TBX15: variants seen among roughly 807,000 people sequenced by gnomAD.
TBX15 encodes T-box transcription factor TBX15.
TBX15 carries 18 observed loss-of-function variants against 53.9 expected under a neutral mutation model. The observed-to-expected ratio is 0.33, with a 90% CI of 0.23 to 0.49. TBX15 has a LOEUF of 0.49. Among genes scored for constraint, TBX15 ranks in the 20% least tolerant of loss-of-function variants. TBX15 has a pLI of 0.98. For missense variants in TBX15, 692 were observed against 749.5 expected, an observed-to-expected ratio of 0.92 and a Z score of 0.90; for synonymous variants, 295 against 278.0, an observed-to-expected ratio of 1.06 and a Z score of -0.61.
intron 2 of TBX15, among the ~76,000 whole-genome samples, chr1:118,930,857 A>G (rs575081069): frequency 6.6e-6 from 1 of 152,340 alleles, no homozygotes; most frequent in Admixed American, 6.5e-5. Flanking sequence ...CTTAGTACCC[A>G]TGTGCCTTAG....
upstream of TBX15, among the ~76,000 whole-genome samples, chr1:118,988,877 A>G (rs1657934251): frequency 6.6e-6 from 1 of 152,218 alleles, no homozygotes; most frequent in Non-Finnish European, 1.5e-5. Context: ...CAAACAAGCA[A>G]ACAGAAAGCC....
rs1657874822 is a variant in TBX15, at chr1:118,987,444, C to G, written c.205+147G>C. Reference sequence around the variant, plus strand: ...TGGTTCCGGTGAATTTAGGGAGGCTCAGGGCATTTGCGCGAAGAAACAGAA... The same window carrying G: ...TGGTTCCGGTGAATTTAGGGAGGCTGAGGGCATTTGCGCGAAGAAACAGAA... On this transcript the variant is annotated intron_variant, in intron 1 of 7. Coordinates refer to ENST00000369429, the MANE Select transcript of TBX15 (RefSeq NM_001330677.2). The G allele has an allele frequency of 1.9e-5, 20 of 1,041,728 alleles. No homozygotes were observed. The East Asian group carries it at 5.2e-4, about 27-fold the overall frequency. The allele number at this position is 1,041,728 out of a possible 1,614,324, so 64.5% of individuals were successfully genotyped here. A position where few individuals can be genotyped will look rare whatever the true frequency, so the allele number is the denominator to read the frequency against.
At chr1:118,970,161 C>G (rs2101697812) in intron 1 of TBX15, among the ~76,000 whole-genome samples, 1 of 152,362 alleles carries the variant, frequency 6.6e-6, no homozygotes, top group South Asian at 2.1e-4. Flanking sequence ...GCCTGTGGAA[C>G]TGTGAGTCAA....
chr1:118,949,963 G>A (rs1386920267), intron 1 of TBX15, among the ~76,000 whole-genome samples: 1 of 152,194 alleles, frequency 6.6e-6, no homozygotes, highest in Non-Finnish European at 1.5e-5. Context: ...ATCCAATCCA[G>A]ATTCTCCAAG....
At chr1:118,912,066 C>T (rs1557880873) in intron 6 of TBX15, among the ~76,000 whole-genome samples, 1 of 152,062 alleles carries the variant, frequency 6.6e-6, no homozygotes, top group African/African-American at 2.4e-5. Flanking sequence ...CATAGGAAAG[C>T]ACTTATTTAG....
chr1:118,892,985 C>A (rs970449324), intron 7 of TBX15, among the ~76,000 whole-genome samples: 1 of 152,048 alleles, frequency 6.6e-6, no homozygotes, highest in Non-Finnish European at 1.5e-5. Flanking sequence ...GTAATCCCAG[C>A]ACTTTGGGAG....
In TBX15 at chr1:118,924,809, T is replaced by C; in HGVS notation, c.530A>G (p.Tyr177Cys). The change falls in exon 4 of 8, where the codon TAT (tyrosine) becomes TGT (cysteine). Residue 177 changes from tyrosine (Y) to cysteine (C), a missense_variant. By Grantham distance (194) the Tyr-to-Cys change is radical (BLOSUM62 -2). Around this residue, in one of 3 missense-constraint regions of TBX15, gnomAD observed 307 missense variants for 347.5 expected, o/e 0.88. Transcript: ENST00000369429. ...AGCCACCATCCACTTGGAGCTATGA[T>C]ACACATATCTGAGATAAAGAGGAAG... ...PVDNKRYRYV[Y>C]HSSKWMVAGN... The C allele has an allele frequency of 1.2e-6, 2 of 1,613,794 alleles. No individual in the cohort carries two copies. Among genetic ancestry groups the C allele is most frequent in the Non-Finnish European group, 1.7e-6 (2 of 1,179,950 alleles).
At position 118,884,991 on chromosome 1, in the gene TBX15, A is replaced by G; in HGVS notation, c.1550T>C (p.Leu517Pro). The G allele has an allele frequency of 1.2e-6, 2 of 1,614,126 alleles. No homozygotes were observed. The highest frequency in any genetic ancestry group is 2.2e-5 in the East Asian group (1 of 44,852). ...GGAAGTGGGGAAATTGTATCCATAC[A>G]GGTTGTAAGGGTTGTGAAGGGAGAA... ...NAFSLHNPYN[L>P]YGYNFPTSPR... The change falls in exon 8 of 8, where the codon CTG becomes CCG. Residue 517 changes from leucine to proline, a missense_variant. This residue lies in a region of TBX15 where 375 missense variants were observed against 371.6 expected (regional missense o/e 1.01). Coordinates refer to ENST00000369429, the MANE Select transcript of TBX15 (RefSeq NM_001330677.2).
chr1:118,931,821 T>C lies in TBX15; in HGVS notation c.217A>G (p.Ser73Gly), dbSNP rs1375543681. ...AGGACCTCAGAATCTGAACCAGTGC[T>C]CTGCTCAGAATCTGCAAAATAAACA... ...GLEPHPDSEQ[S>G]TGSDSEVLTE... Residue 73 changes from serine to glycine, a missense_variant, in exon 2 of 8, where the codon AGC becomes GGC. Physicochemically the swap from Ser to Gly is moderately conservative, Grantham distance 56 (BLOSUM62 0). Transcript: ENST00000369429. The C allele has an allele frequency of 1.9e-6, 3 of 1,576,094 alleles. No individual in the cohort carries two copies. In the African/African-American group the frequency reaches 4.0e-5, roughly 21 times the overall value.
chr1:118,919,238 A>T (rs1369659801), intron 5 of TBX15, among the ~76,000 whole-genome samples: 2 of 152,248 alleles, frequency 1.3e-5, no homozygotes, highest in African/African-American at 4.8e-5. Context: ...CCCCCAGAGA[A>T]GACAAAGACT....
chr1:118,898,231 T>G lies in TBX15; in HGVS notation c.1024+797A>C, dbSNP rs1046413996. Among the ~76,000 whole-genome samples, 4 of 152,116 alleles carry G rather than the reference T, an allele frequency of 2.6e-5. No individual in the cohort carries two copies. In the East Asian group the frequency reaches 7.7e-4, roughly 29 times the overall value. ...GAGTCTATGCTTTTAATCACTACACTCATCTTAAAACCTGACAGATTTCAG... is the reference window on the plus strand; with the variant it reads ...GAGTCTATGCTTTTAATCACTACACGCATCTTAAAACCTGACAGATTTCAG... On this transcript the variant is annotated intron_variant, in intron 7 of 7. Coordinates refer to ENST00000369429, the MANE Select transcript of TBX15 (RefSeq NM_001330677.2).
At chr1:118,956,012 C>G (rs949853099) in intron 1 of TBX15, among the ~76,000 whole-genome samples, 2 of 152,078 alleles carry the variant, frequency 1.3e-5, no homozygotes, top group Non-Finnish European at 2.9e-5. Context: ...AGGATTAGTG[C>G]CCCTTATAAA....
At chr1:118,983,577 C>G (rs1657716139) in intron 1 of TBX15, among the ~76,000 whole-genome samples, 1 of 152,228 alleles carries the variant, frequency 6.6e-6, no homozygotes, top group Admixed American at 6.5e-5. Flanking sequence ...TCCCTTCACA[C>G]AAGGTCACTT....
intron 1 of TBX15, among the ~76,000 whole-genome samples, chr1:118,973,660 A>T (rs1657315741): frequency 6.6e-6 from 1 of 152,106 alleles, no homozygotes; most frequent in Admixed American, 6.5e-5. Context: ...GTCAAGCCCC[A>T]AAGAAAAAAA....
At chr1:118,940,817 C>G (rs1366168578) in intron 1 of TBX15, among the ~76,000 whole-genome samples, 1 of 151,750 alleles carries the variant, frequency 6.6e-6, no homozygotes, top group Non-Finnish European at 1.5e-5. Flanking sequence ...TTATTCTTCC[C>G]ACAAAATTAA....
intron 1 of TBX15, among the ~76,000 whole-genome samples, chr1:118,951,984 C>T (rs1010732309): frequency 6.6e-6 from 1 of 152,146 alleles, no homozygotes; most frequent in Non-Finnish European, 1.5e-5. Context: ...CCCTAGAACA[C>T]CAAGGATTTG....
At position 118,931,792 on chromosome 1, in the gene TBX15, A is replaced by G; in HGVS notation, c.246T>C (p.Thr82=). Residue 82 remains threonine, a synonymous_variant, in exon 2 of 8, where the codon ACT becomes ACC. Transcript: ENST00000369429. ...TACTGAAGGAGCAGGAAGTCCGCTC[A>G]GTGAGGACCTCAGAATCTGAACCAG... ...QSTGSDSEVL[T]ERTSCSFSTH... 1.2e-6 allele frequency: 2 copies of G among 1,601,902 alleles called. No homozygotes were observed. The highest frequency in any genetic ancestry group is 8.5e-7 in the Non-Finnish European group (1 of 1,172,742).
intron 1 of TBX15, among the ~76,000 whole-genome samples, chr1:118,954,982 G>A (rs1656633572): frequency 6.6e-6 from 1 of 152,162 alleles, no homozygotes; most frequent in Admixed American, 6.5e-5. Context: ...GGCTTCATCA[G>A]GCCCAAGAGT....
chr1:118,884,877 C>T lies in TBX15; in HGVS notation c.1664G>A (p.Arg555Lys). The T allele has an allele frequency of 1.9e-6, 3 of 1,614,202 alleles. No homozygotes were observed. The highest frequency in any genetic ancestry group is 2.5e-6 in the Non-Finnish European group (3 of 1,180,036). The change falls in exon 8 of 8, where the codon AGG becomes AAG. Residue 555 changes from arginine to lysine, a missense_variant. Physicochemically the swap from Arg to Lys is conservative, Grantham distance 26 (BLOSUM62 2). Around this residue, in one of 3 missense-constraint regions of TBX15, gnomAD observed 375 missense variants for 371.6 expected, o/e 1.01. Coordinates refer to ENST00000369429, the MANE Select transcript of TBX15 (RefSeq NM_001330677.2). ...CTCCATCCCTGACGGCAGGTACTGC[C>T]TCTCTCCAAAGGCCCCGTTGGAAGG... is the stretch of plus-strand genomic sequence containing the variant. ...SSPSNGAFGERQYLPSGMEHS... is the reference protein window; with the variant it reads ...SSPSNGAFGEKQYLPSGMEHS...
Sources: allele counts gnomAD v4.1 joint callset (sites outside exome capture counted in the v4.1 genomes callset), GRCh38; gene constraint gnomAD v4.1.1; regional missense constraint gnomAD v4.1.1; transcripts MANE v1.5; gene names NCBI Gene and HGNC (gene_info 2026-07-23, HGNC 2026-07-21).